DOCK6: variants seen among roughly 807,000 people sequenced by gnomAD.
DOCK6 encodes the protein dedicator of cytokinesis 6, also known as dedicator of cytokinesis protein 6.
A neutral mutation model predicts 230.3 loss-of-function variants in DOCK6; 167 were observed. That is an observed-to-expected ratio of 0.73 (90% CI 0.64 to 0.82). The LOEUF (loss-of-function observed/expected upper bound fraction) is 0.82. DOCK6 is among the 40% of genes least tolerant of loss of function. DOCK6 has a pLI of 0.00. For missense variants in DOCK6, 2,598 were observed against 2,825.8 expected, an observed-to-expected ratio of 0.92 and a Z score of 1.83; for synonymous variants, 1,148 against 1,185.0, an observed-to-expected ratio of 0.97 and a Z score of 0.64.
chr19:11,224,249 C>T (rs1393309524), intron 24 of DOCK6, among the ~76,000 whole-genome samples: 3 of 130,348 alleles, frequency 2.3e-5, no homozygotes, highest in East Asian at 2.7e-4. Context: ...CTTGCTCTGT[C>T]GCCCAGGCTA....
Position 11,219,679 on chromosome 19 carries a change from A to G in DOCK6, c.3550+2172T>C, listed in dbSNP as rs564214041. Among the ~76,000 whole-genome samples, 382 of 151,214 alleles carry G rather than the reference A, an allele frequency of 2.5e-3. 4 individuals carry two copies. The highest frequency in any genetic ancestry group is 4.0e-3 in the Non-Finnish European group (274 of 67,844). ...GTGACGGGCGCCTGTAGTCCCAGCT[A>G]CTCGGGAGGCTGAAGCAGGAGAATG... On this transcript the variant is annotated intron_variant, in intron 28 of 47. Transcript: ENST00000294618.
intron 20 of DOCK6, 58 bp from the exon 21 acceptor site, chr19:11,235,817 A>G: frequency 6.6e-7 from 1 of 1,519,070 alleles, no homozygotes; most frequent in South Asian, 1.2e-5. Context: ...CTCCCCGCCC[A>G]CTTTCCAAAT....
intron 6 of DOCK6, among the ~76,000 whole-genome samples, chr19:11,249,855 G>A (rs1457627809): frequency 4.2e-5 from 5 of 119,210 alleles, no homozygotes; most frequent in South Asian, 3.0e-4. Flanking sequence ...CCGAGATAGC[G>A]CCACTGCAGT....
chr19:11,228,923 G>A lies in DOCK6; in HGVS notation c.2814+17C>T. 6.2e-7 allele frequency: 1 copy of A among 1,613,110 alleles called. No individual in the cohort carries two copies. Among genetic ancestry groups the A allele is most frequent in the South Asian group, 1.1e-5 (1 of 91,054 alleles). On this transcript the variant is annotated intron_variant, in intron 23 of 47. Transcript: ENST00000294618. The stretch of plus-strand genomic sequence containing the variant: ...CTGGGGGTCTCTTGCCACCAGGCAG[G>A]GAGGAGGGGGTCTCACCATGAGCTG...
At chr19:11,244,908 C>A (rs2080009278) in intron 9 of DOCK6, among the ~76,000 whole-genome samples, 1 of 152,120 alleles carries the variant, frequency 6.6e-6, no homozygotes, top group African/African-American at 2.4e-5. Context: ...CTACATTTTT[C>A]TTTGTTAGTG....
rs1436897595 is a variant in DOCK6 at position 11,252,503 on chromosome 19, T to C, written c.356A>G (p.Asp119Gly). Residue 119 changes from aspartate (D) to glycine (G), a missense_variant, in exon 4 of 48, where the codon GAC becomes GGC. Coordinates refer to ENST00000294618, the MANE Select transcript of DOCK6 (RefSeq NM_020812.4). ...TCACCTTCTGTGGACAATGACCCAG[T>C]CCTCAATATACATCTCCACCGCGGC... The part of the protein sequence containing the change: ...VRAAVEMYIE[D>G]WVIVHRRYQY... The C allele has an allele frequency of 6.2e-7, 1 of 1,613,738 alleles. No individual in the cohort carries two copies. The highest frequency in any genetic ancestry group is 8.5e-7 in the Non-Finnish European group (1 of 1,179,894).
Position 11,214,663 on chromosome 19 carries a change from G to A in DOCK6, c.4107-14C>T. The A allele has an allele frequency of 6.2e-7, 1 of 1,612,162 alleles. No individual in the cohort carries two copies. The highest frequency in any genetic ancestry group is 8.5e-7 in the Non-Finnish European group (1 of 1,179,012). On this transcript the variant is annotated splice_polypyrimidine_tract_variant and intron_variant, in intron 32 of 47. Transcript: ENST00000294618. ...TCATCCTTGGTCCTGGAAGGGGAAA[G>A]GAGGTCTTGGGGGCCCACTCGGGGT...
At chr19:11,209,600 C>A (rs576516082) in intron 37 of DOCK6, among the ~76,000 whole-genome samples, 28 of 137,680 alleles carry the variant, frequency 2.0e-4, no homozygotes, top group African/African-American at 7.5e-4. Flanking sequence ...ACTTGTCTAT[C>A]CCCTCACCTG....
At chr19:11,261,778 C>T (rs945172151) in intron 1 of DOCK6, among the ~76,000 whole-genome samples, 8 of 151,974 alleles carry the variant, frequency 5.3e-5, no homozygotes, top group Non-Finnish European at 5.9e-5. Context: ...ATCCCCAGCG[C>T]GGTCCAGCCC....
Position 11,222,640 on chromosome 19 carries a change from C to A in DOCK6, c.3240+95G>T. The A allele has an allele frequency of 3.0e-6, 4 of 1,322,354 alleles. No homozygotes were observed. The South Asian group carries it at 5.8e-5, about 19-fold the overall frequency. 81.9% of individuals were successfully genotyped at this position (1,322,354 alleles called of 1,614,324 possible). On this transcript the variant is annotated intron_variant, in intron 26 of 47. Transcript: ENST00000294618. The surrounding 1 kb of genome is among the most constrained non-coding windows in gnomAD (Gnocchi z 4.0). ...ATTAGTTCACCTAGGCAGTGGTCCA[C>A]CGTGAAAGGGACAGAGATGAGGGAA...
At chr19:11,230,440 T>C (rs2079747155) in intron 22 of DOCK6, among the ~76,000 whole-genome samples, 1 of 151,804 alleles carries the variant, frequency 6.6e-6, no homozygotes, top group African/African-American at 2.4e-5. Context: ...AGGAGGAGTG[T>C]GGATGGAGTG....
intron 22 of DOCK6, chr19:11,229,255 G>T: frequency 1.5e-6 from 2 of 1,325,354 alleles, no homozygotes; most frequent in South Asian, 2.0e-5. Flanking sequence ...CCTTTGCTGG[G>T]GACCAGGACA....
intron 47 of DOCK6, 72 bp from the exon 48 acceptor site, chr19:11,199,611 C>T: frequency 1.4e-6 from 2 of 1,450,074 alleles, no homozygotes; most frequent in South Asian, 1.2e-5. Context: ...AGCCCACATC[C>T]TCTTCCTCCT....
chr19:11,218,314 T>C (rs540086345), intron 28 of DOCK6, among the ~76,000 whole-genome samples: 58 of 152,178 alleles, frequency 3.8e-4, no homozygotes, highest in African/African-American at 1.4e-3. Context: ...GCATGGCTAA[T>C]TTTTGTATTT....
intron 24 of DOCK6, 36 bp downstream of exon 24, chr19:11,227,301 A>G: frequency 6.2e-7 from 1 of 1,605,606 alleles, no homozygotes; most frequent in Non-Finnish European, 8.5e-7. Flanking sequence ...GTCCTCCCTC[A>G]GGTTTCTTCC....
rs755883315 is a variant in DOCK6, at chr19:11,245,640, G to T, written c.946C>A (p.Pro316Thr). 1.2e-6 allele frequency: 2 copies of T among 1,606,490 alleles called. No individual in the cohort carries two copies. Among genetic ancestry groups the T allele is most frequent in the Admixed American group, 3.4e-5 (2 of 58,952 alleles). The change falls in exon 9 of 48, where the codon CCT becomes ACT. Residue 316 changes from proline (P) to threonine (T), a missense_variant. By Grantham distance (38) the Pro-to-Thr change is conservative (BLOSUM62 -1). Coordinates refer to ENST00000294618, the MANE Select transcript of DOCK6 (RefSeq NM_020812.4). ...KGLLRAHGTH[P>T]AISTLARSAI... Reference sequence around the variant, plus strand: ...GAGCGGGCCAGGGTGGAGATGGCAGGGTGGGTGCCATGAGCCCGAAGCAGC... The same window carrying T: ...GAGCGGGCCAGGGTGGAGATGGCAGTGTGGGTGCCATGAGCCCGAAGCAGC...
In DOCK6 at chr19:11,215,512, CAG is replaced by C. The variant is rs781301019; in HGVS notation, c.4022-43_4022-42del. ...GCACGATCACAGATGCGTAAAAACA[CAG>C]GGCACACGTGAACATCAGGAGAAAT... On this transcript the variant is annotated intron_variant, in intron 31 of 47. Coordinates refer to ENST00000294618, the MANE Select transcript of DOCK6 (RefSeq NM_020812.4). The C allele has an allele frequency of 3.2e-6, 5 of 1,566,854 alleles. No homozygotes were observed. In the African/African-American group the frequency reaches 6.7e-5, roughly 21 times the overall value.
intron 35 of DOCK6, 58 bp from the exon 36 acceptor site, chr19:11,212,209 C>T: frequency 6.4e-7 from 1 of 1,567,004 alleles, no homozygotes; most frequent in Non-Finnish European, 8.6e-7. Context: ...GACCCCACAT[C>T]AGAGTCTGCT....
Position 11,201,402 on chromosome 19 carries a change from G to A in DOCK6, c.5689-350C>T, listed in dbSNP as rs1001530203. 6.6e-6 allele frequency among the ~76,000 whole-genome samples: 1 copy of A among 151,926 alleles called. No homozygotes were observed. The stretch of plus-strand genomic sequence containing the variant: ...TCCACGCCTCTCCTCTCTGGGTCTG[G>A]AATCCCTGGGCTTCTCCTCCCTGGG... On this transcript the variant is annotated intron_variant, in intron 44 of 47. Transcript: ENST00000294618. The surrounding 1 kb of genome is among the most constrained non-coding windows in gnomAD (Gnocchi z 4.3).
Sources: allele counts gnomAD v4.1 joint callset (sites outside exome capture counted in the v4.1 genomes callset), GRCh38; gene constraint gnomAD v4.1.1; non-coding constraint Gnocchi (gnomAD v3.1); transcripts MANE v1.5; gene names NCBI Gene and HGNC (gene_info 2026-07-23, HGNC 2026-07-21).